The following VANGL1 variants were observed in gnomAD, a reference collection of about 807,000 sequenced individuals.
VANGL1 encodes the protein VANGL planar cell polarity protein 1.
VANGL1 carries 18 observed loss-of-function variants against 48.4 expected under a neutral mutation model. The observed-to-expected ratio is 0.37, with a 90% CI of 0.26 to 0.55. VANGL1 has a LOEUF of 0.55. Ranked by LOEUF, VANGL1 falls within the 20% of genes least tolerant of loss-of-function variation. The pLI, the probability that VANGL1 is intolerant of heterozygous loss-of-function variation, is 0.81. For missense variants in VANGL1, 667 were observed against 675.8 expected, an observed-to-expected ratio of 0.99 and a Z score of 0.14; for synonymous variants, 257 against 261.8, an observed-to-expected ratio of 0.98 and a Z score of 0.18.
Position 115,659,739 on chromosome 1 carries a change from T to G in VANGL1, c.170T>G (p.Leu57Trp). 6.2e-7 allele frequency: 1 copy of G among 1,614,180 alleles called. No individual in the cohort carries two copies. ...CAACCTCCCACTGGAGAGCCCCTGT[T>G]GGGAAATGATTCTACTCGGACAGAG... ...TIQPPTGEPL[L>W]GNDSTRTEEV... The change falls in exon 3 of 8, where the codon TTG (leucine) becomes TGG (tryptophan). Residue 57 changes from leucine (L) to tryptophan (W), a missense_variant. Physicochemically the swap from Leu to Trp is moderately conservative, Grantham distance 61. Transcript: ENST00000355485.
intron 7 of VANGL1, among the ~76,000 whole-genome samples, chr1:115,690,654 A>C (rs1311809654): frequency 1.3e-5 from 2 of 152,260 alleles, no homozygotes; most frequent in Non-Finnish European, 2.9e-5. Flanking sequence ...ATGGTAGCGC[A>C]TGCGTTCTTA....
chr1:115,687,521 G>A (rs6688021), intron 7 of VANGL1, among the ~76,000 whole-genome samples: 44,581 of 137,244 alleles, frequency 0.32, 13,136 homozygotes, highest in East Asian at 0.48. Flanking sequence ...AATAATAGCT[G>A]TTTTTGGTAT....
rs1046124417 is a variant in VANGL1, at chr1:115,683,987, T to C, written c.990T>C (p.Ala330=). Residue 330 remains alanine (A), a synonymous_variant, in exon 6 of 8, where the codon GCT becomes GCC. Transcript: ENST00000355485. ...NATGQSRAMI[A]AAARRRDSSH... ...CTGGCCAGTCCCGGGCCATGATTGC[T>C]GCAGCTGCTCGGCGCAGGGACTCAA... 8.1e-6 allele frequency: 13 copies of C among 1,614,032 alleles called. No individual in the cohort carries two copies. The highest frequency in any genetic ancestry group is 2.7e-5 in the African/African-American group (2 of 74,924).
Position 115,682,492 on chromosome 1 carries a change from T to C in VANGL1, c.941T>C (p.Val314Ala). The change falls in exon 5 of 8, where the codon GTA becomes GCA. Residue 314 changes from valine (V) to alanine (A), a missense_variant. Physicochemically the swap from Val to Ala is moderately conservative, Grantham distance 64. Coordinates refer to ENST00000355485, the MANE Select transcript of VANGL1 (RefSeq NM_138959.3). ...ATGGCCGGGCTGAAAGTCTACAATG[T>C]AGATGGTATGTGCCTTGAAAGGGTG... is the stretch of plus-strand genomic sequence containing the variant. ...KHMAGLKVYN[V>A]DGPSNNATGQ... 4 of 1,614,114 alleles carry C rather than the reference T, an allele frequency of 2.5e-6. No homozygotes were observed. Among genetic ancestry groups the C allele is most frequent in the Non-Finnish European group, 3.4e-6 (4 of 1,180,010 alleles).
chr1:115,664,559 A>G (rs1652702229), intron 4 of VANGL1, among the ~76,000 whole-genome samples: 3 of 152,228 alleles, frequency 2.0e-5, no homozygotes, highest in Non-Finnish European at 2.9e-5. Context: ...GGAGATGCAT[A>G]GTGATGGCTG....
chr1:115,687,165 T>C (rs1326883344), intron 7 of VANGL1, among the ~76,000 whole-genome samples: 1 of 139,142 alleles, frequency 7.2e-6, no homozygotes, highest in African/African-American at 2.7e-5. Flanking sequence ...GGAAAACTAT[T>C]TCCTACAATC....
rs1009791934 is a variant in VANGL1 at position 115,698,049 on chromosome 1, A to G, written c.*6670A>G. 16 of 152,174 alleles carry G rather than the reference A, an allele frequency of 1.1e-4. No individual in the cohort carries two copies. Among genetic ancestry groups the G allele is most frequent in the African/African-American group, 3.9e-4 (16 of 41,442 alleles). The allele number at this position is 152,174 out of a possible 1,614,324, so 9.4% of individuals were successfully genotyped here. ...TGCTATGAAACTTCTTCTCATTGTG[A>G]TGTCAGTAACAGAGTTAGTGTCTCT... On this transcript the variant is annotated 3_prime_UTR_variant, in exon 8 of 8. Coordinates refer to ENST00000355485, the MANE Select transcript of VANGL1 (RefSeq NM_138959.3).
At chr1:115,678,773 T>C (rs1653263536) in intron 4 of VANGL1, among the ~76,000 whole-genome samples, 2 of 144,242 alleles carry the variant, frequency 1.4e-5, no homozygotes, top group South Asian at 4.8e-4. Flanking sequence ...CTGGGCAACA[T>C]GGTGAGACCC....
rs757014373 is a variant in VANGL1, at chr1:115,685,366, G to C, written c.1153G>C (p.Gly385Arg). The C allele has an allele frequency of 2.4e-5, 38 of 1,614,072 alleles. No individual in the cohort carries two copies. The highest frequency in any genetic ancestry group is 3.1e-5 in the Non-Finnish European group (36 of 1,180,028). ...LQAEEQQKAP[G>R]EVMDPREAAQ... ...GGCTGAGGAGCAGCAGAAAGCCCCA[G>C]GGGAGGTGATGGACCCTAGGGAGGC... The change falls in exon 7 of 8, where the codon GGG becomes CGG. Residue 385 changes from glycine (G) to arginine (R), a missense_variant. Coordinates refer to ENST00000355485, the MANE Select transcript of VANGL1 (RefSeq NM_138959.3).
chr1:115,643,469 A>C (rs1275763455), intron 1 of VANGL1, among the ~76,000 whole-genome samples: 1 of 152,148 alleles, frequency 6.6e-6, no homozygotes, highest in Non-Finnish European at 1.5e-5. Flanking sequence ...TTGTGGGAGG[A>C]AACTGTTTCT....
chr1:115,662,362 C>T (rs180809497), intron 3 of VANGL1, among the ~76,000 whole-genome samples: 217 of 152,324 alleles, frequency 1.4e-3, no homozygotes, highest in African/African-American at 4.9e-3. Flanking sequence ...TGACTGTTTT[C>T]TTTCCGAGTG....
At chr1:115,648,049 G>A (rs182306262) in intron 1 of VANGL1, among the ~76,000 whole-genome samples, 1 of 152,280 alleles carries the variant, frequency 6.6e-6, no homozygotes, top group East Asian at 1.9e-4. Context: ...AAGGGATAAC[G>A]TGATGAGGGG....
chr1:115,687,167 C>T lies in VANGL1; in HGVS notation c.1314+1640C>T, dbSNP rs568450003. 9.4e-5 allele frequency among the ~76,000 whole-genome samples: 13 copies of T among 138,960 alleles called. 3 individuals are homozygous for T. In the East Asian group the frequency reaches 2.6e-3, roughly 28 times the overall value. 91.2% of individuals were successfully genotyped at this position (138,960 alleles called of 152,430 possible). On this transcript the variant is annotated intron_variant, in intron 7 of 7. Transcript: ENST00000355485. The stretch of plus-strand genomic sequence containing the variant: ...AATCTCTCTCCTAGGAAAACTATTT[C>T]CTACAATCATATATACACATGAATA...
intron 4 of VANGL1, among the ~76,000 whole-genome samples, chr1:115,678,914 A>G (rs554125999): frequency 5.5e-4 from 83 of 151,244 alleles, no homozygotes; most frequent in Middle Eastern, 3.4e-3. Context: ...AGATTGCGCC[A>G]CTGCACTCCA....
At position 115,656,430 on chromosome 1, in the gene VANGL1, G is replaced by C. The variant is rs1652357621; in HGVS notation, c.72-3211G>C. 5.9e-5 allele frequency among the ~76,000 whole-genome samples: 9 copies of C among 152,288 alleles called. No individual in the cohort carries two copies. In the South Asian group the frequency reaches 1.9e-3, roughly 32 times the overall value. On this transcript the variant is annotated intron_variant, in intron 2 of 7. Coordinates refer to ENST00000355485, the MANE Select transcript of VANGL1 (RefSeq NM_138959.3). ...ACCACCTGCAGTCACCTGGGATGCT[G>C]GGAAAAATTTTGATTTCTGTTGTCT...
At chr1:115,643,435 A>T (rs1445176800) in intron 1 of VANGL1, among the ~76,000 whole-genome samples, 1 of 152,216 alleles carries the variant, frequency 6.6e-6, no homozygotes, top group Non-Finnish European at 1.5e-5. Context: ...AATTAAATCA[A>T]TGTGATATAG....
intron 4 of VANGL1, among the ~76,000 whole-genome samples, chr1:115,674,287 G>A (rs576644715): frequency 1.3e-5 from 2 of 152,246 alleles, no homozygotes; most frequent in South Asian, 2.1e-4. Context: ...GTTCTGTCAC[G>A]GTCTCTGGAT....
At chr1:115,688,282 A>G (rs1653712670) in intron 7 of VANGL1, among the ~76,000 whole-genome samples, 1 of 138,536 alleles carries the variant, frequency 7.2e-6, no homozygotes, top group Non-Finnish European at 1.6e-5. Context: ...ACCAAATACC[A>G]TGATTTATTC....
chr1:115,648,676 C>A (rs1275047987), intron 1 of VANGL1, among the ~76,000 whole-genome samples: 1 of 152,292 alleles, frequency 6.6e-6, no homozygotes, highest in Middle Eastern at 3.4e-3. Flanking sequence ...TATTAAATGA[C>A]CTCATTTTTA....
Sources: gnomAD v4.1 joint callset for allele counts (sites outside exome capture counted in the v4.1 genomes callset) on GRCh38, gnomAD v4.1.1 for gene constraint, MANE v1.5 for transcripts, NCBI Gene and HGNC (gene_info 2026-07-23, HGNC 2026-07-21) for gene names.